The following SNTG2 variants were observed in gnomAD, a reference collection of about 807,000 sequenced individuals.
The protein encoded by SNTG2 is gamma-2-syntrophin.
In SNTG2, 74 loss-of-function variants were observed where a neutral mutation model predicts 70.9. The observed-to-expected ratio is 1.04, with a 90% CI of 0.86 to 1.27. The LOEUF (loss-of-function observed/expected upper bound fraction) is 1.27. Among genes scored for constraint, SNTG2 ranks in the 50% most tolerant of loss-of-function variants. The pLI is 0.00. For synonymous variants in SNTG2, 278 were observed against 273.8 expected (o/e 1.02, Z -0.15); for missense variants, 717 against 690.7 (o/e 1.04, Z -0.43).
chr2:1,229,718 G>A (rs1019225804), intron 9 of SNTG2, among the ~76,000 whole-genome samples: 14 of 152,232 alleles, frequency 9.2e-5, no homozygotes, highest in Admixed American at 5.9e-4. Flanking sequence ...CAGGCGTGGC[G>A]GGCTGCAGGT....
chr2:1,208,612 C>G (rs1309764249), intron 8 of SNTG2, among the ~76,000 whole-genome samples: 1 of 152,058 alleles, frequency 6.6e-6, no homozygotes, highest in African/African-American at 2.4e-5. Flanking sequence ...GAGGCCTCAC[C>G]ACTTTTCCAT....
intron 1 of SNTG2, among the ~76,000 whole-genome samples, chr2:968,800 T>C (rs1004150028): frequency 1.3e-5 from 2 of 152,226 alleles, no homozygotes; most frequent in African/African-American, 4.8e-5. Context: ...TTCAAATATT[T>C]CCTTTCATCC....
chr2:1,112,138 G>T (rs1172188595), intron 4 of SNTG2, among the ~76,000 whole-genome samples: 1 of 151,532 alleles, frequency 6.6e-6, no homozygotes, highest in East Asian at 1.9e-4. Context: ...ACTAAGTGAG[G>T]TTTAAGCCTT....
chr2:1,137,015 C>A (rs1392721026), intron 4 of SNTG2, among the ~76,000 whole-genome samples: 1 of 152,124 alleles, frequency 6.6e-6, no homozygotes, highest in Admixed American at 6.5e-5. Flanking sequence ...GTAATGAAAC[C>A]CTTTGTTACG....
At chr2:1,064,212 T>C (rs1663007146) in intron 1 of SNTG2, among the ~76,000 whole-genome samples, 1 of 152,018 alleles carries the variant, frequency 6.6e-6, no homozygotes, top group Non-Finnish European at 1.5e-5. Flanking sequence ...GAACGTGTAT[T>C]AGAGATCCAT....
intron 1 of SNTG2, among the ~76,000 whole-genome samples, chr2:1,000,320 C>G (rs968427325): frequency 6.6e-6 from 1 of 151,520 alleles, no homozygotes; most frequent in African/African-American, 2.4e-5. Flanking sequence ...AAAAATCATA[C>G]AAAGCATCAT....
At chr2:1,003,605 T>TA (rs1167210973) in intron 1 of SNTG2, among the ~76,000 whole-genome samples, 5 of 152,196 alleles carry the variant, frequency 3.3e-5, no homozygotes, top group Admixed American at 6.5e-5. Context: ...CCTTCTGTCT[T>TA]ACCTTGGGTG....
intron 6 of SNTG2, among the ~76,000 whole-genome samples, chr2:1,154,062 A>G (rs1669691155): frequency 6.6e-6 from 1 of 152,242 alleles, no homozygotes; most frequent in East Asian, 1.9e-4. Flanking sequence ...AAATCTTAAA[A>G]GTTTCAGAAA....
At chr2:1,177,480 TTAAAAA>T (rs1380136242) in intron 8 of SNTG2, among the ~76,000 whole-genome samples, 8 of 143,688 alleles carry the variant, frequency 5.6e-5, no homozygotes, top group Non-Finnish European at 9.0e-5. Flanking sequence ...ACTCTGGAAC[TTAAAAA>T]TAAAAATTAA....
At chr2:1,121,171 T>A (rs1667351352) in intron 4 of SNTG2, among the ~76,000 whole-genome samples, 1 of 151,878 alleles carries the variant, frequency 6.6e-6, no homozygotes, top group Non-Finnish European at 1.5e-5. Context: ...ACAGAAGGAA[T>A]CAAAAGTGAA....
At chr2:1,030,344 A>T (rs1371103599) in intron 1 of SNTG2, among the ~76,000 whole-genome samples, 1 of 152,148 alleles carries the variant, frequency 6.6e-6, no homozygotes, top group African/African-American at 2.4e-5. Context: ...TCCCTGGGCC[A>T]CATGATCTTA....
chr2:1,083,885 C>A (rs952872234), intron 2 of SNTG2, among the ~76,000 whole-genome samples: 1 of 152,048 alleles, frequency 6.6e-6, no homozygotes, highest in Non-Finnish European at 1.5e-5. Flanking sequence ...TAAAGCTTTA[C>A]GTAAAAAATA....
intron 9 of SNTG2, chr2:1,219,761 A>C (rs972771554): frequency 9.2e-5 from 14 of 152,076 alleles, no homozygotes; most frequent in African/African-American, 3.1e-4. Flanking sequence ...GTTAAGTAGT[A>C]AGGGAGGAAG....
At chr2:1,121,730 C>G (rs1667390872) in intron 4 of SNTG2, among the ~76,000 whole-genome samples, 1 of 152,168 alleles carries the variant, frequency 6.6e-6, no homozygotes, top group Non-Finnish European at 1.5e-5. Flanking sequence ...TGAGAACCCA[C>G]TCAGTATCAT....
intron 6 of SNTG2, among the ~76,000 whole-genome samples, chr2:1,157,876 T>C (rs900094989): frequency 5.3e-5 from 8 of 152,226 alleles, no homozygotes; most frequent in African/African-American, 1.7e-4. Flanking sequence ...TCTAAAGCTA[T>C]AGATGGATAT....
At chr2:1,209,017 CT>C in intron 8 of SNTG2, 85 bp from the exon 9 acceptor site, 1 of 1,526,806 alleles carries the variant, frequency 6.5e-7, no homozygotes, top group Non-Finnish European at 8.9e-7. Flanking sequence ...GACTTGAGTT[CT>C]GTGTTCCAGG....
chr2:1,048,933 A>C (rs1010415992), intron 1 of SNTG2, among the ~76,000 whole-genome samples: 14 of 151,892 alleles, frequency 9.2e-5, no homozygotes, highest in Non-Finnish European at 1.5e-4. Flanking sequence ...CATGCTGCAC[A>C]CCTTTCTATT....
chr2:1,190,515 AT>A (rs1672524578), intron 8 of SNTG2, among the ~76,000 whole-genome samples: 1 of 75,606 alleles, frequency 1.3e-5, no homozygotes, highest in African/African-American at 4.5e-5. Context: ...ATATATATAT[AT>A]ATATATATAT....
intron 1 of SNTG2, among the ~76,000 whole-genome samples, chr2:1,054,803 A>C (rs756682580): frequency 6.6e-6 from 1 of 152,266 alleles, no homozygotes; most frequent in Non-Finnish European, 1.5e-5. Flanking sequence ...AAAAATCTAA[A>C]TTGGGAAAAT....
Sources: allele counts gnomAD v4.1 joint callset (sites outside exome capture counted in the v4.1 genomes callset), GRCh38; gene constraint gnomAD v4.1.1; transcripts MANE v1.5; gene names NCBI Gene and HGNC (gene_info 2026-07-23, HGNC 2026-07-21).